Variants in GXYLT1 observed in about 807,000 individuals in gnomAD.
The protein encoded by GXYLT1 is glycosyltransferase 8 domain containing 3.
A neutral mutation model predicts 54.0 loss-of-function variants in GXYLT1; 29 were observed. The ratio of observed to expected loss-of-function variants is 0.54; its 90% confidence interval spans 0.40 to 0.73. The LOEUF (loss-of-function observed/expected upper bound fraction) is 0.73, where lower values mean the gene tolerates loss of function less well. GXYLT1 is among the 30% of genes least tolerant of loss of function. The pLI is 0.00. For missense variants in GXYLT1, 490 were observed against 553.4 expected (o/e 0.89, Z 1.15); for synonymous variants, 176 against 204.1 (o/e 0.86, Z 1.17).
At chr12:42,097,345 T>C in intron 7 of GXYLT1, 97 bp downstream of exon 7, 1 of 850,154 alleles carries the variant, frequency 1.2e-6, no homozygotes, top group Admixed American at 3.0e-5. Flanking sequence ...TGAGGCTGAG[T>C]GTGTGTAAAA....
chr12:42,093,380 C>T (rs1236193744), intron 7 of GXYLT1, among the ~76,000 whole-genome samples: 2 of 151,912 alleles, frequency 1.3e-5, no homozygotes, highest in East Asian at 1.9e-4. Context: ...AGATTACAGG[C>T]GTGAGCCACT....
At chr12:42,136,785 T>TACATACAA (rs1375275820) in intron 1 of GXYLT1, among the ~76,000 whole-genome samples, 6 of 151,440 alleles carry the variant, frequency 4.0e-5, no homozygotes, top group South Asian at 2.1e-4. Flanking sequence ...CATACATACA[T>TACATACAA]ACAAACAAAC....
At chr12:42,103,184 C>A (rs922579816) in intron 5 of GXYLT1, among the ~76,000 whole-genome samples, 9 of 152,178 alleles carry the variant, frequency 5.9e-5, no homozygotes, top group African/African-American at 2.2e-4. Flanking sequence ...GTCTCACACT[C>A]CTGGCCTCAA....
At chr12:42,116,424 C>G (rs1040691263) in intron 3 of GXYLT1, among the ~76,000 whole-genome samples, 32 of 152,132 alleles carry the variant, frequency 2.1e-4, no homozygotes, top group Non-Finnish European at 4.3e-4. Flanking sequence ...TAACTCAAAA[C>G]AAATTTACAA....
chr12:42,140,593 T>C (rs954903217), intron 1 of GXYLT1, among the ~76,000 whole-genome samples: 1 of 152,140 alleles, frequency 6.6e-6, no homozygotes, highest in Admixed American at 6.6e-5. Context: ...AGCTGAAGTC[T>C]GTCACTCCAA....
rs538381951 is a variant in GXYLT1, at chr12:42,090,124, G to T, written c.1162-2177C>A. Among the ~76,000 whole-genome samples, 1,207 of 136,428 alleles carry T rather than the reference G, an allele frequency of 8.8e-3. 9 individuals carry two copies. Among genetic ancestry groups the T allele is most frequent in the Middle Eastern group, 0.02 (5 of 244 alleles). The allele number at this position is 136,428 out of a possible 152,430, so 89.5% of individuals were successfully genotyped here. On this transcript the variant is annotated intron_variant, in intron 7 of 7. Coordinates refer to ENST00000398675, the MANE Select transcript of GXYLT1 (RefSeq NM_173601.2). Reference sequence around the variant, plus strand: ...TTTTCTTCTTCACTGGAAAAAAAAAGCCATTTGATGAATATTTTCTTAAAT... The same window carrying T: ...TTTTCTTCTTCACTGGAAAAAAAAATCCATTTGATGAATATTTTCTTAAAT...
Position 42,097,477 on chromosome 12 carries a change from G to A in GXYLT1, c.1126C>T (p.Pro376Ser), listed in dbSNP as rs772963353. ...GCTTCATAAACAGCTCTAAATGCTG[G>A]TTGCTTATCGTCATGGTAAACACCT... Reference protein sequence around the residue: ...NRGVYHDDKQPAFRAVYEALR... With the variant: ...NRGVYHDDKQSAFRAVYEALR... The change falls in exon 7 of 8, where the codon CCA becomes TCA. Residue 376 changes from proline to serine, a missense_variant. Physicochemically the swap from Pro to Ser is moderately conservative, Grantham distance 74 (BLOSUM62 -1). Transcript: ENST00000398675. 2.5e-6 allele frequency: 4 copies of A among 1,597,528 alleles called. No individual in the cohort carries two copies. Among genetic ancestry groups the A allele is most frequent in the Admixed American group, 3.6e-5 (2 of 55,950 alleles).
intron 1 of GXYLT1, among the ~76,000 whole-genome samples, chr12:42,138,609 G>A (rs1026320354): frequency 1.3e-5 from 2 of 152,144 alleles, no homozygotes; most frequent in African/African-American, 4.8e-5. Flanking sequence ...GTAAAAAGTA[G>A]CCAATCTGAA....
chr12:42,097,854 C>T lies in GXYLT1; in HGVS notation c.988+56G>A. 3.8e-6 allele frequency: 5 copies of T among 1,328,682 alleles called. No homozygotes were observed. The South Asian group carries it at 6.5e-5, about 17-fold the overall frequency. 82.3% of individuals were successfully genotyped at this position (1,328,682 alleles called of 1,614,324 possible). ...CAGATAAGTGCATGTTTTCCTTTTT[C>T]ACTAAGTATTATCTGTGATTTTTTT... On this transcript the variant is annotated intron_variant, in intron 6 of 7. Coordinates refer to ENST00000398675, the MANE Select transcript of GXYLT1 (RefSeq NM_173601.2).
At chr12:42,090,578 T>G (rs1203178361) in intron 7 of GXYLT1, among the ~76,000 whole-genome samples, 1 of 152,212 alleles carries the variant, frequency 6.6e-6, no homozygotes, top group Non-Finnish European at 1.5e-5. Context: ...TACTGTCAGT[T>G]GAACGACATG....
chr12:42,105,145 G>C (rs938320908), intron 5 of GXYLT1, among the ~76,000 whole-genome samples: 6 of 152,182 alleles, frequency 3.9e-5, no homozygotes, highest in Non-Finnish European at 8.8e-5. Flanking sequence ...ACAGTGACTT[G>C]CAACTTAGAT....
intron 2 of GXYLT1, among the ~76,000 whole-genome samples, chr12:42,123,195 G>A (rs2065541795): frequency 6.6e-6 from 1 of 152,004 alleles, no homozygotes; most frequent in African/African-American, 2.4e-5. Context: ...AGATACAAAG[G>A]ACATTAACAG....
chr12:42,144,700 TG>T lies in GXYLT1; in HGVS notation c.-55del. The T allele has an allele frequency of 8.8e-7, 1 of 1,135,966 alleles. No homozygotes were observed. 70.4% of individuals were successfully genotyped at this position (1,135,966 alleles called of 1,614,324 possible). A position where few individuals can be genotyped will look rare whatever the true frequency, so the allele number is the denominator to read the frequency against. ...CGCCGCCGCGCCCGCCCCGACGAAC[TG>T]GAGCGGAGGGAGGGGCACCGCGCAG... On this transcript the variant is annotated 5_prime_UTR_variant, in exon 1 of 8. Coordinates refer to ENST00000398675, the MANE Select transcript of GXYLT1 (RefSeq NM_173601.2).
intron 7 of GXYLT1, among the ~76,000 whole-genome samples, chr12:42,091,506 G>A (rs2065329309): frequency 6.6e-6 from 1 of 151,952 alleles, no homozygotes; most frequent in Non-Finnish European, 1.5e-5. Context: ...AACCCCACAA[G>A]CACTTTTCTT....
intron 3 of GXYLT1, among the ~76,000 whole-genome samples, chr12:42,118,166 G>A (rs1460242636): frequency 6.6e-6 from 1 of 152,186 alleles, no homozygotes; most frequent in Non-Finnish European, 1.5e-5. Context: ...TTCTGCCACT[G>A]CTGCCAAATT....
At chr12:42,126,869 C>A (rs1279478572) in intron 2 of GXYLT1, among the ~76,000 whole-genome samples, 4 of 148,104 alleles carry the variant, frequency 2.7e-5, no homozygotes. Flanking sequence ...GACAGTGAAA[C>A]CCTGTCTCAA....
chr12:42,099,138 TG>T (rs969069704), intron 5 of GXYLT1, among the ~76,000 whole-genome samples: 34 of 152,276 alleles, frequency 2.2e-4, no homozygotes, highest in African/African-American at 8.2e-4. Context: ...ACTGAAGAGC[TG>T]ACAGATTCAC....
intron 1 of GXYLT1, among the ~76,000 whole-genome samples, chr12:42,137,232 G>C (rs1473882088): frequency 2.0e-5 from 3 of 152,154 alleles, no homozygotes; most frequent in Non-Finnish European, 4.4e-5. Flanking sequence ...AATTAGGCCA[G>C]GCGCAGTGGC....
chr12:42,120,700 CT>C lies in GXYLT1; in HGVS notation c.315-1530del, dbSNP rs944674756. Among the ~76,000 whole-genome samples the C allele has an allele frequency of 4.8e-5, 7 of 146,796 alleles. No individual in the cohort carries two copies. In the East Asian group the frequency reaches 8.0e-4, roughly 17 times the overall value. ...TGTGCGACCACCATGTCCAACTAAT[CT>C]TTTTTTTTATTTTTTGTAGAGATGG... On this transcript the variant is annotated intron_variant, in intron 2 of 7. Transcript: ENST00000398675.
Sources: allele counts gnomAD v4.1 joint callset (sites outside exome capture counted in the v4.1 genomes callset), GRCh38; gene constraint gnomAD v4.1.1; transcripts MANE v1.5; gene names NCBI Gene and HGNC (gene_info 2026-07-23, HGNC 2026-07-21).